The following ANKRD24 variants were observed in gnomAD, a reference collection of about 807,000 sequenced individuals.
The protein encoded by ANKRD24 is ankyrin repeat domain 24.
A neutral mutation model predicts 127.8 loss-of-function variants in ANKRD24; 109 were observed. That is an observed-to-expected ratio of 0.85 (90% CI 0.73 to 1.00). The LOEUF (loss-of-function observed/expected upper bound fraction) is 1.00. Among genes scored for constraint, ANKRD24 ranks in the 50% least tolerant of loss-of-function variants. The probability of loss-of-function intolerance (pLI) is 0.00; values close to 1 mark genes in which losing one functional copy is unlikely to be tolerated. For missense variants in ANKRD24, 1,648 were observed against 1,570.2 expected, an observed-to-expected ratio of 1.05 and a Z score of -0.84; for synonymous variants, 743 against 671.1, an observed-to-expected ratio of 1.11 and a Z score of -1.66.
rs57280997 is a variant in ANKRD24, at chr19:4,182,965, T to TTGTGTGTGTGTGTGTGTGTGTG, written c.-37+238_-37+259dup. Among the ~76,000 whole-genome samples, 345 of 138,664 alleles carry TTGTGTGTGTGTGTGTGTGTGTG rather than the reference T, an allele frequency of 2.5e-3. 5 individuals are homozygous for TTGTGTGTGTGTGTGTGTGTGTG. Among genetic ancestry groups the TTGTGTGTGTGTGTGTGTGTGTG allele is most frequent in the Non-Finnish European group, 3.2e-3 (206 of 64,256 alleles). 91.0% of individuals were successfully genotyped at this position (138,664 alleles called of 152,430 possible). On this transcript the variant is annotated intron_variant, in intron 1 of 21. Coordinates refer to ENST00000318934, the MANE Select transcript of ANKRD24 (RefSeq NM_001393985.1). ...ACGCAGAGTTACCTGAATATCTCAT[T>TTGTGTGTGTGTGTGTGTGTGTG]TGTGTGTGTGTGTGTGTGTGTGTGT...
intron 2 of ANKRD24, among the ~76,000 whole-genome samples, chr19:4,192,224 C>T (rs898615055): frequency 1.6e-4 from 25 of 152,084 alleles, no homozygotes; most frequent in Non-Finnish European, 7.4e-5. Flanking sequence ...CTTCACTGAC[C>T]TCCTGCCTTT....
chr19:4,209,639 C>T (rs1599439534), intron 11 of ANKRD24, among the ~76,000 whole-genome samples: 1 of 151,726 alleles, frequency 6.6e-6, no homozygotes. Context: ...TTAGTAGGGT[C>T]GGGGTTTCAC....
rs780497315 is a variant in ANKRD24 at position 4,202,863 on chromosome 19, C to T, written c.409-6C>T. 1.3e-5 allele frequency: 21 copies of T among 1,586,798 alleles called. No individual in the cohort carries two copies. The South Asian group carries it at 2.2e-4, about 17-fold the overall frequency. ...CTCCGCCTCAAAGGACTCGCCCCATCCCCAGGCTTCCTGCGTGGTGGACGT... is the reference window on the plus strand; with the variant it reads ...CTCCGCCTCAAAGGACTCGCCCCATTCCCAGGCTTCCTGCGTGGTGGACGT... On this transcript the variant is annotated splice_region_variant and splice_polypyrimidine_tract_variant and intron_variant, in intron 6 of 21. Coordinates refer to ENST00000318934, the MANE Select transcript of ANKRD24 (RefSeq NM_001393985.1).
chr19:4,193,422 C>T (rs1000579900), intron 2 of ANKRD24, among the ~76,000 whole-genome samples: 3 of 151,988 alleles, frequency 2.0e-5, no homozygotes, highest in South Asian at 2.1e-4. Flanking sequence ...GCCATGTGCA[C>T]GGTGGGGCAG....
intron 2 of ANKRD24, among the ~76,000 whole-genome samples, chr19:4,197,849 A>G (rs55992498): frequency 4.6e-5 from 7 of 152,192 alleles, no homozygotes; most frequent in African/African-American, 1.7e-4. Flanking sequence ...GAGCGAATAA[A>G]CAAATGAGTG....
At chr19:4,185,872 A>C (rs1480885427) in intron 1 of ANKRD24, among the ~76,000 whole-genome samples, 1 of 152,206 alleles carries the variant, frequency 6.6e-6, no homozygotes. Flanking sequence ...CAGCCAGGGT[A>C]GGCGGGAACC....
intron 13 of ANKRD24, 134 bp downstream of exon 13, chr19:4,210,506 C>A: frequency 1.2e-6 from 1 of 806,520 alleles, no homozygotes; most frequent in Non-Finnish European, 1.9e-6. Context: ...CCACCTGGGC[C>A]TCCTCGCTGT....
In ANKRD24 at chr19:4,198,162, G is replaced by T. The variant is rs1968864363; in HGVS notation, c.37-1521G>T. 3 of 563,206 alleles carry T rather than the reference G, an allele frequency of 5.3e-6. No individual in the cohort carries two copies. The allele number at this position is 563,206 out of a possible 1,614,324, so 34.9% of individuals were successfully genotyped here. A position where few individuals can be genotyped will look rare whatever the true frequency, so the allele number is the denominator to read the frequency against. The stretch of plus-strand genomic sequence containing the variant: ...GAGATGCAGCCGGCGGCCTGCGCTG[G>T]TGAGGGAGCCGGGCCCCCGGCGCCG... On this transcript the variant is annotated intron_variant, in intron 2 of 21. Transcript: ENST00000318934. This position sits in a 1 kb window ranked among gnomAD's most constrained non-coding sequence, Gnocchi z 6.1.
intron 1 of ANKRD24, among the ~76,000 whole-genome samples, chr19:4,182,965 T>TGTGTGTGTGTGTGTG (rs1967814891): frequency 7.2e-6 from 1 of 138,582 alleles, no homozygotes; most frequent in Admixed American, 7.3e-5. Context: ...AATATCTCAT[T>TGTGTGTGTGTGTGTG]TGTGTGTGTG....
rs1251387534 is a variant in ANKRD24 at position 4,195,616 on chromosome 19, G to A, written c.37-4067G>A. ...CCTCTTGTCCAAACATGTCTAAGAG[G>A]GCCGGGCGCAGTGGCTCACGCCTGT... On this transcript the variant is annotated intron_variant, in intron 2 of 21. Transcript: ENST00000318934. The surrounding 1 kb of genome is among the most constrained non-coding windows in gnomAD (Gnocchi z 4.2). Among the ~76,000 whole-genome samples the A allele has an allele frequency of 6.6e-6, 1 of 152,252 alleles. No individual in the cohort carries two copies. Among genetic ancestry groups the A allele is most frequent in the East Asian group, 1.9e-4 (1 of 5,168 alleles).
At chr19:4,223,755 G>A (rs2380169) in intron 20 of ANKRD24, among the ~76,000 whole-genome samples, 28,668 of 151,620 alleles carry the variant, frequency 0.19, 3,176 homozygotes, top group African/African-American at 0.3. Context: ...TAGTAAAGAC[G>A]GGGTTTCACC....
chr19:4,192,362 T>A (rs1489132069), intron 2 of ANKRD24, among the ~76,000 whole-genome samples: 3 of 151,016 alleles, frequency 2.0e-5, no homozygotes, highest in African/African-American at 7.3e-5. Flanking sequence ...TATATTTTTA[T>A]TTTTTACTTA....
In ANKRD24 at chr19:4,207,886, G is replaced by A. The variant is rs747772173; in HGVS notation, c.750G>A (p.Ala250=). The A allele has an allele frequency of 1.0e-5, 16 of 1,556,442 alleles. No individual in the cohort carries two copies. The highest frequency in any genetic ancestry group is 2.3e-5 in the East Asian group (1 of 43,624). ...TCACCGATGCGCTGGGGCAGGACGC[G>A]GCTCACTATGGCGCCCTGGCGGGGG... The part of the protein sequence containing the change: ...PGITDALGQD[A]AHYGALAGDK... Residue 250 remains alanine, a synonymous_variant, in exon 10 of 22, where the codon GCG becomes GCA. Transcript: ENST00000318934.
Position 4,217,301 on chromosome 19 carries a change from C to T in ANKRD24, c.2141C>T (p.Ala714Val). 1 of 1,554,392 alleles carries T rather than the reference C, an allele frequency of 6.4e-7. No individual in the cohort carries two copies. The highest frequency in any genetic ancestry group is 1.2e-5 in the South Asian group (1 of 84,348). ...ISAGPILHPG[A>V]AEASEKLQVE... ...GCTGGCCCCATCCTACATCCTGGTG[C>T]CGCAGAGGCCTCGGAAAAGCTTCAA... Residue 714 changes from alanine (A) to valine (V), a missense_variant, in exon 18 of 22, where the codon GCC becomes GTC. Coordinates refer to ENST00000318934, the MANE Select transcript of ANKRD24 (RefSeq NM_001393985.1).
chr19:4,201,946 A>G, intron 5 of ANKRD24, 80 bp from the exon 6 acceptor site: 1 of 1,236,838 alleles, frequency 8.1e-7, no homozygotes, highest in East Asian at 2.3e-5. Context: ...AACTCATCAC[A>G]AGTAGTTGAC....
At chr19:4,185,738 C>T (rs950643285) in intron 1 of ANKRD24, among the ~76,000 whole-genome samples, 1 of 152,234 alleles carries the variant, frequency 6.6e-6, no homozygotes, top group African/African-American at 2.4e-5. Context: ...AGCAAACATG[C>T]CTCTGTGCTG....
intron 7 of ANKRD24, chr19:4,207,008 C>T (rs973416321): frequency 3.4e-5 from 19 of 565,554 alleles, no homozygotes; most frequent in South Asian, 8.4e-5. Flanking sequence ...TGAGCTCAAG[C>T]GGTCCTCCCG....
chr19:4,187,289 T>C (rs1043391397), intron 2 of ANKRD24, among the ~76,000 whole-genome samples: 1 of 152,174 alleles, frequency 6.6e-6, no homozygotes, highest in African/African-American at 2.4e-5. Context: ...GGCGGGCACC[T>C]GTAATCCCAG....
At chr19:4,223,387 A>AT (rs1568349040) in intron 20 of ANKRD24, among the ~76,000 whole-genome samples, 2 of 80,986 alleles carry the variant, frequency 2.5e-5, no homozygotes, top group African/African-American at 1.3e-4. Flanking sequence ...ATATATATAT[A>AT]TATATATATA....
Sources: allele counts gnomAD v4.1 joint callset (sites outside exome capture counted in the v4.1 genomes callset), GRCh38; gene constraint gnomAD v4.1.1; non-coding constraint Gnocchi (gnomAD v3.1); transcripts MANE v1.5; gene names NCBI Gene and HGNC (gene_info 2026-07-23, HGNC 2026-07-21).